Variants in PTPN4 observed in about 807,000 individuals in gnomAD.
PTPN4 encodes protein tyrosine phosphatase non-receptor type 4, also known as tyrosine-protein phosphatase non-receptor type 4.
PTPN4 carries 49 observed loss-of-function variants against 135.5 expected under a neutral mutation model. The observed-to-expected ratio is 0.36, with a 90% CI of 0.29 to 0.46. PTPN4 has a LOEUF of 0.46. Ranked by LOEUF, PTPN4 falls within the 20% of genes least tolerant of loss-of-function variation. The probability of loss-of-function intolerance (pLI) is 1.00; values close to 1 mark genes in which losing one functional copy is unlikely to be tolerated. For missense variants in PTPN4, 860 were observed against 1,101.0 expected, an observed-to-expected ratio of 0.78 and a Z score of 3.10; for synonymous variants, 333 against 369.9, an observed-to-expected ratio of 0.90 and a Z score of 1.14.
chr2:119,796,729 A>G (rs1370301092), intron 1 of PTPN4, among the ~76,000 whole-genome samples: 1 of 152,214 alleles, frequency 6.6e-6, no homozygotes, highest in East Asian at 1.9e-4. Flanking sequence ...TAAAGCAGGA[A>G]TATGTTCAAT....
intron 2 of PTPN4, among the ~76,000 whole-genome samples, chr2:119,813,061 A>T (rs1296284745): frequency 6.6e-6 from 1 of 152,100 alleles, no homozygotes; most frequent in African/African-American, 2.4e-5. Flanking sequence ...ACACACACAC[A>T]AAAGGCTTAA....
chr2:119,782,708 A>AT (rs1403752292), intron 1 of PTPN4, among the ~76,000 whole-genome samples: 18 of 40,414 alleles, frequency 4.5e-4, no homozygotes, highest in African/African-American at 1.4e-3. Flanking sequence ...AAACCCCCCC[A>AT]CCCCCCTTTT....
rs186664401 is a variant in PTPN4, at chr2:119,910,737, G to A, written c.765-4442G>A. 8.5e-4 allele frequency among the ~76,000 whole-genome samples: 130 copies of A among 152,164 alleles called. 1 individual carries two copies. The East Asian group carries it at 0.023, about 27-fold the overall frequency. On this transcript the variant is annotated intron_variant, in intron 10 of 26. Coordinates refer to ENST00000263708, the MANE Select transcript of PTPN4 (RefSeq NM_002830.4). ...TCCCCTGCTTGCACTTCTCCTTCCTGCTGCCTTGTGAATAAAGTACCTTGC... is the reference window on the plus strand; with the variant it reads ...TCCCCTGCTTGCACTTCTCCTTCCTACTGCCTTGTGAATAAAGTACCTTGC...
chr2:119,867,866 G>A (rs1456509081), intron 3 of PTPN4, among the ~76,000 whole-genome samples: 1 of 152,094 alleles, frequency 6.6e-6, no homozygotes, highest in Non-Finnish European at 1.5e-5. Flanking sequence ...TGTAAATAGG[G>A]ACAGTTTTAC....
intron 5 of PTPN4, among the ~76,000 whole-genome samples, chr2:119,878,850 T>G (rs1193766716): frequency 6.6e-6 from 1 of 151,998 alleles, no homozygotes; most frequent in Non-Finnish European, 1.5e-5. Context: ...TCCCAGCACT[T>G]TGGGAGGCCA....
chr2:119,935,902 A>T (rs1305764560), intron 15 of PTPN4, among the ~76,000 whole-genome samples: 1 of 152,250 alleles, frequency 6.6e-6, no homozygotes, highest in Non-Finnish European at 1.5e-5. Flanking sequence ...ATTACAAACC[A>T]AAACCAATAT....
intron 1 of PTPN4, among the ~76,000 whole-genome samples, chr2:119,785,433 A>G (rs1392548764): frequency 5.9e-5 from 9 of 152,038 alleles, no homozygotes; most frequent in Non-Finnish European, 1.5e-5. Flanking sequence ...AATGACTAAG[A>G]GGTATATAAA....
At chr2:119,976,414 G>A (rs1338284732) in intron 26 of PTPN4, among the ~76,000 whole-genome samples, 4 of 150,476 alleles carry the variant, frequency 2.7e-5, no homozygotes, top group African/African-American at 4.9e-5. Context: ...TATATTATAC[G>A]TACTTTACCT....
At chr2:119,818,360 T>G (rs1420882161) in intron 2 of PTPN4, among the ~76,000 whole-genome samples, 1 of 152,254 alleles carries the variant, frequency 6.6e-6, no homozygotes, top group Non-Finnish European at 1.5e-5. Flanking sequence ...GTGAGTGAAA[T>G]GTAGAGTAAT....
At chr2:119,799,193 T>C (rs931311331) in intron 1 of PTPN4, among the ~76,000 whole-genome samples, 1 of 152,210 alleles carries the variant, frequency 6.6e-6, no homozygotes, top group South Asian at 2.1e-4. Context: ...GAGATTGTAG[T>C]AGCAAAGTTC....
At chr2:119,955,785 A>C (rs1354630196) in intron 20 of PTPN4, among the ~76,000 whole-genome samples, 3 of 151,956 alleles carry the variant, frequency 2.0e-5, no homozygotes, top group African/African-American at 7.3e-5. Flanking sequence ...AAAATACAAA[A>C]AATTAGCCGG....
intron 10 of PTPN4, among the ~76,000 whole-genome samples, chr2:119,910,930 C>G (rs1486110834): frequency 1.3e-5 from 2 of 151,880 alleles, no homozygotes; most frequent in South Asian, 4.2e-4. Context: ...AATTTCACAA[C>G]GTAGATTAAA....
chr2:119,854,768 A>G (rs1677647518), intron 2 of PTPN4, among the ~76,000 whole-genome samples: 1 of 152,216 alleles, frequency 6.6e-6, no homozygotes, highest in African/African-American at 2.4e-5. Context: ...AGATGATTGG[A>G]ATTCATTAAA....
chr2:119,915,415 G>A (rs557210662), intron 11 of PTPN4, 173 bp downstream of exon 11: 1 of 416,842 alleles, frequency 2.4e-6, no homozygotes, highest in South Asian at 6.0e-5. Context: ...TTTTTCCAGT[G>A]TGTATGTGGT....
chr2:119,763,022 A>G (rs892197408), intron 1 of PTPN4, among the ~76,000 whole-genome samples: 3 of 152,156 alleles, frequency 2.0e-5, no homozygotes, highest in Admixed American at 6.5e-5. Context: ...TTTAATGAGT[A>G]GTATAGATGA....
At chr2:119,772,333 A>G (rs1197888869) in intron 1 of PTPN4, among the ~76,000 whole-genome samples, 1 of 152,098 alleles carries the variant, frequency 6.6e-6, no homozygotes, top group Non-Finnish European at 1.5e-5. Context: ...ATGGCTTTTG[A>G]TCTGTGTTAT....
intron 2 of PTPN4, among the ~76,000 whole-genome samples, chr2:119,828,647 C>T (rs535795372): frequency 6.6e-6 from 1 of 152,290 alleles, no homozygotes; most frequent in South Asian, 2.1e-4. Flanking sequence ...AGTATGTATG[C>T]TCCAGCAGTT....
intron 2 of PTPN4, among the ~76,000 whole-genome samples, chr2:119,850,550 G>A (rs1249352311): frequency 6.6e-6 from 1 of 152,168 alleles, no homozygotes; most frequent in African/African-American, 2.4e-5. Context: ...CTAGGATCTG[G>A]GGAAGAAGGG....
At chr2:119,858,870 G>T (rs536472467) in intron 2 of PTPN4, among the ~76,000 whole-genome samples, 5 of 152,108 alleles carry the variant, frequency 3.3e-5, no homozygotes, top group Non-Finnish European at 7.4e-5. Flanking sequence ...TCCTGACCTC[G>T]TAATCTGCCC....
Sources: gnomAD v4.1 joint callset for allele counts (sites outside exome capture counted in the v4.1 genomes callset) on GRCh38, gnomAD v4.1.1 for gene constraint, MANE v1.5 for transcripts, NCBI Gene and HGNC (gene_info 2026-07-23, HGNC 2026-07-21) for gene names.